CRYL1: variants seen among roughly 807,000 people sequenced by gnomAD.
CRYL1 encodes the protein lambda-crystallin homolog.
In CRYL1, 29 loss-of-function variants were observed where a neutral mutation model predicts 36.6. The observed-to-expected ratio is 0.79, with a 90% CI of 0.59 to 1.08. The LOEUF is 1.08. Ranked by LOEUF, CRYL1 falls within the 50% of genes least tolerant of loss-of-function variation. CRYL1 has a pLI of 0.00. For synonymous variants in CRYL1, 152 were observed against 151.5 expected, an observed-to-expected ratio of 1.00 and a Z score of -0.02; for missense variants, 411 against 407.9, an observed-to-expected ratio of 1.01 and a Z score of -0.06.
intron 2 of CRYL1, among the ~76,000 whole-genome samples, chr13:20,495,329 C>T (rs114888574): frequency 0.013 from 1,933 of 152,242 alleles, 56 homozygotes; most frequent in African/African-American, 0.045. Context: ...GTCAGCCTAA[C>T]ACTAGGACTC....
chr13:20,466,067 C>T (rs993007343), intron 3 of CRYL1, among the ~76,000 whole-genome samples: 3 of 152,142 alleles, frequency 2.0e-5, no homozygotes, highest in African/African-American at 7.2e-5. Context: ...TCACCAGAAG[C>T]CGGGTAGATG....
chr13:20,517,509 C>A (rs990464661), intron 1 of CRYL1, among the ~76,000 whole-genome samples: 1 of 151,086 alleles, frequency 6.6e-6, no homozygotes, highest in African/African-American at 2.4e-5. Flanking sequence ...GCAGGAGAAT[C>A]GCTTGAACTT....
intron 5 of CRYL1, among the ~76,000 whole-genome samples, chr13:20,422,463 G>A (rs938853170): frequency 4.0e-5 from 6 of 151,870 alleles, no homozygotes; most frequent in Admixed American, 2.6e-4. Context: ...TTATCCCTGC[G>A]AACATCTGCA....
At chr13:20,437,528 C>T (rs920946115) in intron 4 of CRYL1, among the ~76,000 whole-genome samples, 8 of 152,204 alleles carry the variant, frequency 5.3e-5, no homozygotes, top group Admixed American at 3.9e-4. Flanking sequence ...AGGATGGTTT[C>T]GATCTCCTGA....
At chr13:20,421,065 CAAA>C (rs66714729) in intron 5 of CRYL1, among the ~76,000 whole-genome samples, 3,025 of 151,218 alleles carry the variant, frequency 0.02, 33 homozygotes, top group Middle Eastern at 0.034. Flanking sequence ...AACAAACAAA[CAAA>C]AAAAAAAATG....
chr13:20,510,257 C>T (rs917554261), intron 2 of CRYL1, among the ~76,000 whole-genome samples: 15 of 152,130 alleles, frequency 9.9e-5, no homozygotes, highest in African/African-American at 3.4e-4. Flanking sequence ...TGGAAGCACC[C>T]AAGATGTTCT....
At chr13:20,522,919 T>C (rs1023168078) in intron 1 of CRYL1, among the ~76,000 whole-genome samples, 1 of 130,426 alleles carries the variant, frequency 7.7e-6, no homozygotes, top group Non-Finnish European at 1.7e-5. Flanking sequence ...TACTTTTTTT[T>C]TTTTTTTTTT....
intron 3 of CRYL1, among the ~76,000 whole-genome samples, chr13:20,453,351 C>T (rs867651511): frequency 6.6e-6 from 1 of 150,990 alleles, no homozygotes; most frequent in Non-Finnish European, 1.5e-5. Context: ...AAATAATCTA[C>T]AGTCAAGGTG....
At position 20,415,972 on chromosome 13, in the gene CRYL1, A is replaced by C. The variant is rs1169310407; in HGVS notation, c.634-2585T>G. Reference sequence around the variant, plus strand: ...ACCCTGCGGCCATGAGCCTTTGGCTAGTCTGGGGCTCCTGTGAGCAGGGCA... The same window carrying C: ...ACCCTGCGGCCATGAGCCTTTGGCTCGTCTGGGGCTCCTGTGAGCAGGGCA... On this transcript the variant is annotated intron_variant, in intron 5 of 7. Coordinates refer to ENST00000298248, the MANE Select transcript of CRYL1 (RefSeq NM_015974.3). This position sits in a 1 kb window ranked among gnomAD's most constrained non-coding sequence, Gnocchi z 4.1. Among the ~76,000 whole-genome samples, 3 of 152,190 alleles carry C rather than the reference A, an allele frequency of 2.0e-5. No homozygotes were observed. Among genetic ancestry groups the C allele is most frequent in the Non-Finnish European group, 2.9e-5 (2 of 68,032 alleles).
chr13:20,458,423 T>C (rs951817104), intron 3 of CRYL1, among the ~76,000 whole-genome samples: 26 of 152,184 alleles, frequency 1.7e-4, no homozygotes, highest in Non-Finnish European at 3.2e-4. Flanking sequence ...CCGTGGACCC[T>C]TTGAAATCTT....
intron 5 of CRYL1, chr13:20,431,832 G>A: frequency 2.2e-6 from 3 of 1,391,020 alleles, no homozygotes; most frequent in East Asian, 6.0e-5. Context: ...CTATGAAAGG[G>A]CAGGAAGGAG....
chr13:20,488,312 T>C (rs891075721), intron 3 of CRYL1, among the ~76,000 whole-genome samples: 14 of 152,164 alleles, frequency 9.2e-5, no homozygotes, highest in Non-Finnish European at 2.1e-4. Flanking sequence ...CAGGTCTCTT[T>C]AAAGTCCCTT....
chr13:20,519,715 T>A (rs896907437), intron 1 of CRYL1, among the ~76,000 whole-genome samples: 2 of 152,144 alleles, frequency 1.3e-5, no homozygotes, highest in African/African-American at 4.8e-5. Flanking sequence ...AGAAAAATTT[T>A]ACAAAACCAG....
intron 2 of CRYL1, among the ~76,000 whole-genome samples, chr13:20,493,115 C>G (rs759557098): frequency 6.6e-6 from 1 of 152,214 alleles, no homozygotes; most frequent in African/African-American, 2.4e-5. Flanking sequence ...CTGTTACAAT[C>G]GAAGCTCTAG....
intron 3 of CRYL1, among the ~76,000 whole-genome samples, chr13:20,448,978 G>C (rs559621685): frequency 3.3e-5 from 5 of 152,274 alleles, no homozygotes; most frequent in Admixed American, 3.3e-4. Context: ...GACCAGCCTG[G>C]CCAACATGGT....
intron 3 of CRYL1, among the ~76,000 whole-genome samples, chr13:20,460,955 G>A (rs899745030): frequency 3.8e-4 from 58 of 152,124 alleles, no homozygotes; most frequent in African/African-American, 1.2e-3. Flanking sequence ...AGGCAGCAAG[G>A]AACCCTTCCC....
At chr13:20,514,958 G>C (rs952837003) in intron 1 of CRYL1, among the ~76,000 whole-genome samples, 6 of 152,030 alleles carry the variant, frequency 3.9e-5, no homozygotes, top group Non-Finnish European at 8.8e-5. Flanking sequence ...ATTCATAACA[G>C]CTAAATGCAA....
At chr13:20,460,360 T>C (rs2032782710) in intron 3 of CRYL1, among the ~76,000 whole-genome samples, 1 of 152,198 alleles carries the variant, frequency 6.6e-6, no homozygotes, top group Admixed American at 6.5e-5. Flanking sequence ...TAGTTTATTT[T>C]TCAATTACTA....
chr13:20,439,527 A>AAAG, intron 4 of CRYL1, 66 bp downstream of exon 4: 1 of 1,088,206 alleles, frequency 9.2e-7, no homozygotes, highest in Non-Finnish European at 1.3e-6. Flanking sequence ...AAAAAAAAAA[A>AAAG]AAAGAAAAAA....
Sources: gnomAD v4.1 joint callset for allele counts (sites outside exome capture counted in the v4.1 genomes callset) on GRCh38, gnomAD v4.1.1 for gene constraint, Gnocchi (gnomAD v3.1) non-coding constraint, MANE v1.5 for transcripts, NCBI Gene and HGNC (gene_info 2026-07-23, HGNC 2026-07-21) for gene names.